IL19: variants seen among roughly 807,000 people sequenced by gnomAD.
IL19 encodes interleukin-19.
IL19 carries 15 observed loss-of-function variants against 19.5 expected under a neutral mutation model. The observed-to-expected ratio is 0.77, with a 90% CI of 0.52 to 1.19. The LOEUF is 1.19. Among genes scored for constraint, IL19 ranks in the 50% most tolerant of loss-of-function variants. The probability of loss-of-function intolerance (pLI) is 0.00; values close to 1 mark genes in which losing one functional copy is unlikely to be tolerated. For missense variants in IL19, 199 were observed against 213.1 expected, an observed-to-expected ratio of 0.93 and a Z score of 0.41; for synonymous variants, 78 against 78.3, an observed-to-expected ratio of 1.00 and a Z score of 0.02.
intron 2 of IL19, among the ~76,000 whole-genome samples, chr1:206,827,805 G>A (rs2102479312): frequency 6.6e-6 from 1 of 152,320 alleles, no homozygotes; most frequent in South Asian, 2.1e-4. Context: ...TTTCATGTCT[G>A]GTGTAATGAA....
chr1:206,808,500 C>CGT (rs36044951), intron 2 of IL19, among the ~76,000 whole-genome samples: 2,230 of 148,698 alleles, frequency 0.015, 23 homozygotes, highest in South Asian at 0.039. Context: ...TGTGTGTGTG[C>CGT]GTGTGTGTGT....
chr1:206,818,095 T>A (rs1462526202), intron 2 of IL19, among the ~76,000 whole-genome samples: 1 of 152,220 alleles, frequency 6.6e-6, no homozygotes, highest in Non-Finnish European at 1.5e-5. Context: ...TACCCATTTC[T>A]CAATAATCCA....
At chr1:206,779,586 CCACG>C (rs1193822806) in intron 1 of IL19, among the ~76,000 whole-genome samples, 3 of 152,174 alleles carry the variant, frequency 2.0e-5, no homozygotes, top group Admixed American at 1.3e-4. Context: ...AGACCGTTCT[CCACG>C]TTGTAGCAAG....
chr1:206,779,858 T>C lies in IL19; in HGVS notation c.-149+8780T>C, dbSNP rs556711577. 4.1e-3 allele frequency among the ~76,000 whole-genome samples: 561 copies of C among 137,086 alleles called. 4 individuals are homozygous for C. Among genetic ancestry groups the C allele is most frequent in the African/African-American group, 0.015 (478 of 30,938 alleles). The allele number at this position is 137,086 out of a possible 152,430, so 89.9% of individuals were successfully genotyped here. A position where few individuals can be genotyped will look rare whatever the true frequency, so the allele number is the denominator to read the frequency against. ...TGATCCGCATGCTCTCTCTCTCTCTTTTTTTTTTTTTAAAGAGACAGGGTC... is the reference window on the plus strand; with the variant it reads ...TGATCCGCATGCTCTCTCTCTCTCTCTTTTTTTTTTTAAAGAGACAGGGTC... On this transcript the variant is annotated intron_variant, in intron 1 of 6. Transcript: ENST00000659997.
At chr1:206,814,222 A>C (rs1676089843) in intron 2 of IL19, among the ~76,000 whole-genome samples, 1 of 152,048 alleles carries the variant, frequency 6.6e-6, no homozygotes, top group South Asian at 2.1e-4. Flanking sequence ...TCCTATACTA[A>C]GTGTAAGTTT....
intron 5 of IL19, chr1:206,840,217 T>G (rs1167916803): frequency 2.9e-6 from 2 of 696,250 alleles, no homozygotes; most frequent in African/African-American, 3.5e-5. Flanking sequence ...GGTCTCCTCC[T>G]AGATAACCCT....
intron 2 of IL19, among the ~76,000 whole-genome samples, chr1:206,823,218 C>T (rs1178527919): frequency 6.6e-6 from 1 of 152,136 alleles, no homozygotes; most frequent in Non-Finnish European, 1.5e-5. Context: ...TGCCACCGCA[C>T]CTGGCCTAAA....
At chr1:206,830,296 A>T (rs1359978556) in intron 2 of IL19, among the ~76,000 whole-genome samples, 1 of 152,200 alleles carries the variant, frequency 6.6e-6, no homozygotes, top group East Asian at 1.9e-4. Flanking sequence ...TCTCATTTCC[A>T]AATATCACAA....
chr1:206,830,771 G>T (rs574588007), intron 2 of IL19, among the ~76,000 whole-genome samples: 8 of 152,254 alleles, frequency 5.3e-5, no homozygotes, highest in South Asian at 2.1e-4. Context: ...TAGAGACGGG[G>T]TTTCACCACA....
chr1:206,822,611 C>A (rs1452030189), intron 2 of IL19, among the ~76,000 whole-genome samples: 1 of 152,184 alleles, frequency 6.6e-6, no homozygotes, highest in Non-Finnish European at 1.5e-5. Flanking sequence ...TACCTTCTCA[C>A]AAGGTTGTAA....
chr1:206,832,983 G>C (rs961690155), intron 2 of IL19, among the ~76,000 whole-genome samples: 3 of 152,198 alleles, frequency 2.0e-5, no homozygotes, highest in Non-Finnish European at 4.4e-5. Flanking sequence ...CTGGCTGCAG[G>C]AACAGGGTTT....
intron 5 of IL19, chr1:206,840,262 A>G: frequency 1.6e-6 from 1 of 624,564 alleles, no homozygotes; most frequent in Non-Finnish European, 3.0e-6. Flanking sequence ...CATATTCCTT[A>G]GTAAGAGGCA....
At chr1:206,783,235 G>A (rs1675187943) in intron 1 of IL19, among the ~76,000 whole-genome samples, 1 of 152,106 alleles carries the variant, frequency 6.6e-6, no homozygotes, top group African/African-American at 2.4e-5. Context: ...CTTTTCCCAG[G>A]GTGCTGGACT....
rs956871471 is a variant in IL19, at chr1:206,792,463, C to CT, written c.-148-6389dup. ...TACATTCACAATCCCCCCACCCCGC[C>CT]TTTTTTTTTCTGAGATGGAGTCTTG... On this transcript the variant is annotated intron_variant, in intron 1 of 6. Coordinates refer to ENST00000659997, the MANE Select transcript of IL19 (RefSeq NM_153758.5). Among the ~76,000 whole-genome samples the CT allele has an allele frequency of 5.3e-5, 8 of 151,404 alleles. 1 individual carries two copies. Among genetic ancestry groups the CT allele is most frequent in the South Asian group, 4.2e-4 (2 of 4,770 alleles).
chr1:206,842,496 G>A lies in IL19; in HGVS notation c.439-31G>A, dbSNP rs372751115. 3.0e-6 allele frequency: 4 copies of A among 1,314,860 alleles called. No individual in the cohort carries two copies. In the African/African-American group the frequency reaches 4.4e-5, roughly 14 times the overall value. 81.4% of individuals were successfully genotyped at this position (1,314,860 alleles called of 1,614,324 possible). On this transcript the variant is annotated intron_variant, in intron 6 of 6. Transcript: ENST00000659997. Reference sequence around the variant, plus strand: ...TGAAAACCATTACACAGTCTAGAAAGGTGGGTTCTTACATTGATCTCTGAT... The same window carrying A: ...TGAAAACCATTACACAGTCTAGAAAAGTGGGTTCTTACATTGATCTCTGAT...
At chr1:206,825,758 G>A (rs78505923) in intron 2 of IL19, among the ~76,000 whole-genome samples, 96 of 152,308 alleles carry the variant, frequency 6.3e-4, no homozygotes, top group Admixed American at 5.7e-3. Context: ...CCAAAACCCC[G>A]TGCAGGTGGA....
Position 206,771,030 on chromosome 1 carries a change from C to T in IL19, c.-197C>T, listed in dbSNP as rs769682299. ...CCTCCTCCAGGTAAAACTGGATCAT[C>T]TCAGACAAGGCTTGGCAACCCAGGT... is the stretch of plus-strand genomic sequence containing the variant. On this transcript the variant is annotated 5_prime_UTR_variant, in exon 1 of 7. Transcript: ENST00000659997. 9 of 1,614,076 alleles carry T rather than the reference C, an allele frequency of 5.6e-6. No homozygotes were observed. Among genetic ancestry groups the T allele is most frequent in the Middle Eastern group, 3.3e-4 (2 of 6,084 alleles).
At chr1:206,824,939 A>T (rs1676392642) in intron 2 of IL19, among the ~76,000 whole-genome samples, 1 of 152,138 alleles carries the variant, frequency 6.6e-6, no homozygotes, top group African/African-American at 2.4e-5. Context: ...TATTTTTAGT[A>T]GAGATGGGGT....
chr1:206,778,801 T>G (rs192568010), intron 1 of IL19, among the ~76,000 whole-genome samples: 1 of 152,286 alleles, frequency 6.6e-6, no homozygotes, highest in East Asian at 1.9e-4. Flanking sequence ...TAGAAATGAT[T>G]TGTTGGTCCC....
Sources: allele counts gnomAD v4.1 joint callset (sites outside exome capture counted in the v4.1 genomes callset), GRCh38; gene constraint gnomAD v4.1.1; transcripts MANE v1.5; gene names NCBI Gene and HGNC (gene_info 2026-07-23, HGNC 2026-07-21).